The following ACTR3C variants were observed in gnomAD, a reference collection of about 807,000 sequenced individuals.
ACTR3C encodes actin-related protein 3C.
ACTR3C carries 18 observed loss-of-function variants against 26.3 expected under a neutral mutation model. The ratio of observed to expected loss-of-function variants is 0.68; its 90% CI spans 0.47 to 1.01. The LOEUF (loss-of-function observed/expected upper bound fraction) is 1.01. Ranked by LOEUF, ACTR3C falls within the 50% of genes least tolerant of loss-of-function variation. ACTR3C has a pLI of 0.00. For missense variants in ACTR3C, 184 were observed against 250.7 expected, an observed-to-expected ratio of 0.73 and a Z score of 1.80; for synonymous variants, 55 against 94.5, an observed-to-expected ratio of 0.58 and a Z score of 2.42.
chr7:150,029,414 AAAACAAAC>A, the ACTR3C span, among the ~76,000 whole-genome samples: 6 of 90,008 alleles, frequency 6.7e-5, 1 homozygote, highest in African/African-American at 4.6e-4. Flanking sequence ...AAAAAAAAAA[AAAACAAAC>A]AAAAAAAAAC....
the ACTR3C span, among the ~76,000 whole-genome samples, chr7:150,042,704 C>G: frequency 0.012 from 1,819 of 151,870 alleles, 48 homozygotes; most frequent in African/African-American, 0.042. Context: ...TTATTTGCTT[C>G]TTGTACTAGC....
chr7:149,981,661 G>A, the ACTR3C span, among the ~76,000 whole-genome samples: 1 of 151,330 alleles, frequency 6.6e-6, no homozygotes, highest in Non-Finnish European at 1.5e-5. Context: ...TGCCTTTGAG[G>A]GCACAAAGGC....
chr7:149,910,247 A>G, the ACTR3C span, among the ~76,000 whole-genome samples: 1 of 151,524 alleles, frequency 6.6e-6, no homozygotes, highest in Admixed American at 6.6e-5. Flanking sequence ...AAATGATTAT[A>G]TAATTTTCTT....
At chr7:150,201,321 A>G in the ACTR3C span, among the ~76,000 whole-genome samples, 4 of 152,330 alleles carry the variant, frequency 2.6e-5, no homozygotes, top group African/African-American at 9.6e-5. Context: ...AGAGCTCTCA[A>G]CACAATACTG....
chr7:149,985,562 C>T, the ACTR3C span, among the ~76,000 whole-genome samples: 5 of 152,330 alleles, frequency 3.3e-5, no homozygotes, highest in Admixed American at 6.5e-5. Flanking sequence ...GCTAAGTGGT[C>T]GAGCCGGGAG....
the ACTR3C span, among the ~76,000 whole-genome samples, chr7:150,086,618 C>T: frequency 6.6e-6 from 1 of 152,144 alleles, no homozygotes; most frequent in Non-Finnish European, 1.5e-5. Context: ...TAAGGAAAAG[C>T]TGCACTAGCC....
chr7:150,319,484 G>A (rs1246661969), intron 1 of ACTR3C, among the ~76,000 whole-genome samples: 1 of 152,172 alleles, frequency 6.6e-6, no homozygotes, highest in Non-Finnish European at 1.5e-5. Flanking sequence ...TGGGATTATA[G>A]GCATGAGCCA....
At chr7:150,207,826 A>G in the ACTR3C span, among the ~76,000 whole-genome samples, 1 of 151,834 alleles carries the variant, frequency 6.6e-6, no homozygotes, top group East Asian at 1.9e-4. Flanking sequence ...TCTTAGTTAT[A>G]TTTAACTTAT....
the ACTR3C span, among the ~76,000 whole-genome samples, chr7:150,169,818 G>A: frequency 1.3e-5 from 2 of 150,648 alleles, no homozygotes; most frequent in African/African-American, 5.0e-5. Flanking sequence ...TGAGCTTAAG[G>A]CTTAATTAAT....
the ACTR3C span, among the ~76,000 whole-genome samples, chr7:150,129,966 G>A: frequency 6.6e-6 from 1 of 152,168 alleles, no homozygotes; most frequent in East Asian, 1.9e-4. Flanking sequence ...GTGTAATAAT[G>A]TTGCAAAGGT....
At chr7:149,913,930 A>G in the ACTR3C span, among the ~76,000 whole-genome samples, 167 of 148,034 alleles carry the variant, frequency 1.1e-3, 2 homozygotes, top group South Asian at 0.03. Flanking sequence ...CTGTCACCCA[A>G]GCTGGAGTAC....
the ACTR3C span, among the ~76,000 whole-genome samples, chr7:150,110,929 G>C: frequency 2.0e-5 from 3 of 148,834 alleles, no homozygotes; most frequent in South Asian, 4.2e-4. Flanking sequence ...TCAGGTCAGG[G>C]GACATTGGAG....
the ACTR3C span, among the ~76,000 whole-genome samples, chr7:150,198,381 T>A: frequency 7.4e-6 from 1 of 135,440 alleles, no homozygotes; most frequent in African/African-American, 2.9e-5. Flanking sequence ...CCGGCCGCCA[T>A]CCCATCTAGG....
At chr7:149,956,697 C>G in the ACTR3C span, among the ~76,000 whole-genome samples, 145,394 of 151,016 alleles carry the variant, frequency 0.96, 70,198 homozygotes, top group Non-Finnish European at 0.99. Flanking sequence ...TCTCTGGTTG[C>G]AGTAGGTTAG....
At chr7:150,069,891 C>T in the ACTR3C span, among the ~76,000 whole-genome samples, 1 of 151,834 alleles carries the variant, frequency 6.6e-6, no homozygotes, top group Admixed American at 6.6e-5. Flanking sequence ...GGGACTTCTG[C>T]GGGGAAGGTT....
the ACTR3C span, among the ~76,000 whole-genome samples, chr7:150,133,352 GGTT>G: frequency 6.6e-6 from 1 of 152,148 alleles, no homozygotes; most frequent in African/African-American, 2.4e-5. Context: ...TAATTCTACG[GGTT>G]GTTGTAACTA....
the ACTR3C span, among the ~76,000 whole-genome samples, chr7:149,956,777 A>G: frequency 6.6e-6 from 1 of 152,024 alleles, no homozygotes; most frequent in African/African-American, 2.4e-5. Context: ...AGAGCGATGT[A>G]GGGGCTGGAT....
chr7:150,280,055 G>A (rs181228881), intron 6 of ACTR3C, among the ~76,000 whole-genome samples: 1 of 152,158 alleles, frequency 6.6e-6, no homozygotes, highest in Admixed American at 6.5e-5. Context: ...CAAGTAAAGC[G>A]TGCAAGTTAC....
At chr7:150,174,555 C>A in the ACTR3C span, among the ~76,000 whole-genome samples, 1 of 136,322 alleles carries the variant, frequency 7.3e-6, no homozygotes, top group African/African-American at 3.4e-5. Context: ...TTAAAATAAA[C>A]TTCCAATCCT....
Sources: allele counts gnomAD v4.1 joint callset (sites outside exome capture counted in the v4.1 genomes callset), GRCh38; gene constraint gnomAD v4.1.1; transcripts MANE v1.5; gene names NCBI Gene and HGNC (gene_info 2026-07-23, HGNC 2026-07-21).